ITGB6: variants seen among roughly 807,000 people sequenced by gnomAD.
ITGB6 encodes integrin subunit beta 6.
ITGB6 carries 80 observed loss-of-function variants against 84.5 expected under a neutral mutation model. The observed-to-expected ratio is 0.95, with a 90% CI of 0.79 to 1.14. The LOEUF (loss-of-function observed/expected upper bound fraction) is 1.14. Among genes scored for constraint, ITGB6 ranks in the 50% most tolerant of loss-of-function variants. The probability of loss-of-function intolerance (pLI) is 0.00; values close to 1 mark genes in which losing one functional copy is unlikely to be tolerated. For missense variants in ITGB6, 1,006 were observed against 968.0 expected, an observed-to-expected ratio of 1.04 and a Z score of -0.52; for synonymous variants, 383 against 354.9, an observed-to-expected ratio of 1.08 and a Z score of -0.89.
chr2:160,104,412 C>G (rs1696832140), intron 14 of ITGB6, among the ~76,000 whole-genome samples: 1 of 152,178 alleles, frequency 6.6e-6, no homozygotes, highest in Non-Finnish European at 1.5e-5. Flanking sequence ...TTGAGTCCTA[C>G]TCTATTTCGG....
chr2:160,194,718 A>AGCCGTC lies in ITGB6; in HGVS notation c.593+650_593+651insGACGGC, dbSNP rs1221941944. Among the ~76,000 whole-genome samples, 7 of 152,244 alleles carry AGCCGTC rather than the reference A, an allele frequency of 4.6e-5. No homozygotes were observed. In the East Asian group the frequency reaches 1.2e-3, roughly 25 times the overall value. ...GAGAATATTTGATTCTGAACATGTC[A>AGCCGTC]TTCACTGCACAGGTAAGCCGTCACA... On this transcript the variant is annotated intron_variant, in intron 4 of 14. Coordinates refer to ENST00000283249, the MANE Select transcript of ITGB6 (RefSeq NM_000888.5).
chr2:160,108,644 C>G (rs1210002497), intron 13 of ITGB6, among the ~76,000 whole-genome samples: 1 of 152,212 alleles, frequency 6.6e-6, no homozygotes, highest in South Asian at 2.1e-4. Context: ...TGGACCCCTT[C>G]CCCAATATTC....
chr2:160,121,173 A>G (rs1400193133), intron 12 of ITGB6, among the ~76,000 whole-genome samples: 1 of 152,216 alleles, frequency 6.6e-6, no homozygotes, highest in African/African-American at 2.4e-5. Context: ...AGTTTTCAAA[A>G]AAACAAAAAC....
chr2:160,117,380 A>G (rs1035672699), intron 12 of ITGB6, among the ~76,000 whole-genome samples: 10 of 151,902 alleles, frequency 6.6e-5, no homozygotes, highest in African/African-American at 2.4e-4. Flanking sequence ...CTGCTCAACT[A>G]CATGGAAACT....
intron 10 of ITGB6, among the ~76,000 whole-genome samples, chr2:160,132,277 G>A (rs1218747934): frequency 6.6e-6 from 1 of 152,030 alleles, no homozygotes; most frequent in East Asian, 1.9e-4. Flanking sequence ...AAATGAAAAG[G>A]GAGAGAAATG....
intron 7 of ITGB6, among the ~76,000 whole-genome samples, chr2:160,151,425 C>T (rs1684410903): frequency 6.6e-6 from 1 of 152,190 alleles, no homozygotes; most frequent in Admixed American, 6.5e-5. Context: ...ATACCAGAAT[C>T]TCTGGGACAC....
At chr2:160,158,838 T>C (rs1435483661) in intron 7 of ITGB6, among the ~76,000 whole-genome samples, 1 of 152,162 alleles carries the variant, frequency 6.6e-6, no homozygotes, top group South Asian at 2.1e-4. Context: ...CGGTGGCTCA[T>C]GCCTGTAATC....
intron 10 of ITGB6, among the ~76,000 whole-genome samples, chr2:160,131,774 T>C (rs1277572169): frequency 1.3e-5 from 2 of 152,200 alleles, no homozygotes; most frequent in African/African-American, 4.8e-5. Context: ...ATTTTCTAAA[T>C]AGAATTTCTG....
At chr2:160,195,654 C>T (rs1300973296) in intron 3 of ITGB6, 39 bp from the exon 4 acceptor site, 1 of 1,610,052 alleles carries the variant, frequency 6.2e-7, no homozygotes, top group East Asian at 2.2e-5. Context: ...CAGGAAAACA[C>T]ACTGAGATTT....
chr2:160,115,771 T>A (rs995375254), intron 12 of ITGB6, among the ~76,000 whole-genome samples: 2 of 152,032 alleles, frequency 1.3e-5, no homozygotes, highest in East Asian at 3.9e-4. Flanking sequence ...TGAAAAAAAA[T>A]TAGACGAATG....
chr2:160,120,684 A>AG (rs1433716518), intron 12 of ITGB6, among the ~76,000 whole-genome samples: 1 of 45,090 alleles, frequency 2.2e-5, no homozygotes, highest in Non-Finnish European at 4.9e-5. Flanking sequence ...AAAAAAAAAA[A>AG]AAAAAAGAAA....
At chr2:160,142,235 T>C (rs1684027474) in intron 7 of ITGB6, among the ~76,000 whole-genome samples, 164 bp from the exon 8 acceptor site, 1 of 152,186 alleles carries the variant, frequency 6.6e-6, no homozygotes, top group Non-Finnish European at 1.5e-5. Context: ...CTTTACTTTG[T>C]GCTGCTTCCT....
chr2:160,126,735 T>C (rs1424465995), intron 10 of ITGB6, 134 bp from the exon 11 acceptor site: 1 of 746,748 alleles, frequency 1.3e-6, no homozygotes, highest in Non-Finnish European at 2.2e-6. Context: ...AAAAAGTATG[T>C]GTGTGAGGGG....
At chr2:160,103,706 A>G (rs145589886) in intron 14 of ITGB6, among the ~76,000 whole-genome samples, 1 of 152,320 alleles carries the variant, frequency 6.6e-6, no homozygotes, top group African/African-American at 2.4e-5. Flanking sequence ...ACTCCATTGA[A>G]GAAACAAGAT....
At chr2:160,180,584 G>A (rs1337778454) in intron 4 of ITGB6, among the ~76,000 whole-genome samples, 2 of 152,216 alleles carry the variant, frequency 1.3e-5, no homozygotes, top group African/African-American at 4.8e-5. Flanking sequence ...CTGAGACCTT[G>A]CAGGAGGTCC....
chr2:160,199,797 C>T (rs540981380), intron 1 of ITGB6, among the ~76,000 whole-genome samples: 2 of 152,174 alleles, frequency 1.3e-5, no homozygotes, highest in Admixed American at 6.5e-5. Context: ...GCCTGTGCAA[C>T]CTTTGTATTT....
At chr2:160,109,988 T>A (rs1326402743) in intron 13 of ITGB6, among the ~76,000 whole-genome samples, 2 of 152,222 alleles carry the variant, frequency 1.3e-5, no homozygotes, top group Non-Finnish European at 2.9e-5. Flanking sequence ...TAAATAAAAT[T>A]CATTTTACCT....
chr2:160,187,010 A>G (rs901235248), intron 4 of ITGB6, among the ~76,000 whole-genome samples: 2 of 152,144 alleles, frequency 1.3e-5, no homozygotes, highest in Non-Finnish European at 2.9e-5. Flanking sequence ...AGAAATACCT[A>G]ACGTAGATGA....
At chr2:160,110,551 T>A (rs1682454996) in intron 13 of ITGB6, among the ~76,000 whole-genome samples, 1 of 152,210 alleles carries the variant, frequency 6.6e-6, no homozygotes, top group Non-Finnish European at 1.5e-5. Context: ...CCTTCCCGCC[T>A]ATCATTCCTT....
Sources: gnomAD v4.1 joint callset for allele counts (sites outside exome capture counted in the v4.1 genomes callset) on GRCh38, gnomAD v4.1.1 for gene constraint, MANE v1.5 for transcripts, NCBI Gene and HGNC (gene_info 2026-07-23, HGNC 2026-07-21) for gene names.